Variants in SPAG16 observed in about 807,000 individuals in gnomAD.
SPAG16 encodes sperm-associated antigen 16 protein.
SPAG16 carries 86 observed loss-of-function variants against 80.4 expected under a neutral mutation model. The observed-to-expected ratio is 1.07, with a 90% CI of 0.90 to 1.28. The LOEUF is 1.28. Among genes scored for constraint, SPAG16 ranks in the 50% most tolerant of loss-of-function variants. The pLI, the probability that SPAG16 is intolerant of heterozygous loss-of-function variation, is 0.00. For missense variants in SPAG16, 870 were observed against 765.3 expected, an observed-to-expected ratio of 1.14 and a Z score of -1.61; for synonymous variants, 294 against 265.9, an observed-to-expected ratio of 1.11 and a Z score of -1.03.
chr2:214,291,247 T>C (rs1490677569), intron 15 of SPAG16, among the ~76,000 whole-genome samples: 1 of 151,802 alleles, frequency 6.6e-6, no homozygotes, highest in Non-Finnish European at 1.5e-5. Flanking sequence ...TCTATATATG[T>C]CTTTGTAGGT....
At chr2:214,151,188 T>C (rs749492664) in intron 15 of SPAG16, among the ~76,000 whole-genome samples, 1 of 152,098 alleles carries the variant, frequency 6.6e-6, no homozygotes, top group Non-Finnish European at 1.5e-5. Context: ...ATGAGAAATC[T>C]GTGCTTCTGT....
chr2:213,833,281 A>G (rs77476088), intron 10 of SPAG16, among the ~76,000 whole-genome samples: 6,975 of 146,286 alleles, frequency 0.048, 201 homozygotes, highest in East Asian at 0.084. Context: ...CTCATTTTCA[A>G]ATGAGTAGAG....
intron 10 of SPAG16, among the ~76,000 whole-genome samples, chr2:213,738,707 A>G (rs553676567): frequency 6.6e-6 from 1 of 152,250 alleles, no homozygotes; most frequent in Non-Finnish European, 1.5e-5. Context: ...AATATACTGT[A>G]TGAAAAATAT....
intron 12 of SPAG16, among the ~76,000 whole-genome samples, chr2:213,959,915 A>G (rs911490743): frequency 2.0e-5 from 3 of 152,192 alleles, no homozygotes; most frequent in African/African-American, 7.2e-5. Context: ...AAATTAAAAG[A>G]AACTGTAATA....
At chr2:214,012,751 T>G (rs1358536761) in intron 12 of SPAG16, among the ~76,000 whole-genome samples, 1 of 152,214 alleles carries the variant, frequency 6.6e-6, no homozygotes, top group African/African-American at 2.4e-5. Context: ...AGGAGTGGTA[T>G]TGCTCTATGT....
At chr2:214,201,898 T>A (rs2058019562) in intron 15 of SPAG16, among the ~76,000 whole-genome samples, 1 of 152,144 alleles carries the variant, frequency 6.6e-6, no homozygotes, top group Non-Finnish European at 1.5e-5. Flanking sequence ...CAGGCCAAAG[T>A]GCAGTGGCAC....
At chr2:214,320,198 T>C (rs1220326138) in intron 15 of SPAG16, among the ~76,000 whole-genome samples, 1 of 152,214 alleles carries the variant, frequency 6.6e-6, no homozygotes, top group Non-Finnish European at 1.5e-5. Flanking sequence ...TGCTGTTTTC[T>C]TTGGGTCCTT....
At chr2:213,895,752 C>T (rs2076968565) in intron 11 of SPAG16, among the ~76,000 whole-genome samples, 1 of 151,912 alleles carries the variant, frequency 6.6e-6, no homozygotes, top group Admixed American at 6.6e-5. Flanking sequence ...AAAACTGGAT[C>T]CCCATCTTTT....
At chr2:213,553,536 C>T (rs151276795) in intron 10 of SPAG16, among the ~76,000 whole-genome samples, 56 of 152,220 alleles carry the variant, frequency 3.7e-4, no homozygotes, top group South Asian at 1.9e-3. Flanking sequence ...AGGGGCTGCA[C>T]GCTCCTCCCC....
intron 11 of SPAG16, chr2:213,924,123 G>A (rs2078351976): frequency 6.6e-6 from 1 of 152,524 alleles, no homozygotes; most frequent in African/African-American, 2.4e-5. Flanking sequence ...GCAAGGGGGT[G>A]GGTGGAGCAA....
chr2:213,562,930 A>T (rs1376379924), intron 10 of SPAG16, among the ~76,000 whole-genome samples: 1 of 152,320 alleles, frequency 6.6e-6, no homozygotes, highest in East Asian at 1.9e-4. Flanking sequence ...ACCATTCATG[A>T]GGGCTCTGCC....
At chr2:213,674,259 C>T (rs74677682) in intron 10 of SPAG16, among the ~76,000 whole-genome samples, 10 of 151,860 alleles carry the variant, frequency 6.6e-5, no homozygotes, top group African/African-American at 7.3e-5. Flanking sequence ...CAGTTCTCTA[C>T]GACAACATAC....
chr2:214,192,561 C>T (rs1380371350), intron 15 of SPAG16, among the ~76,000 whole-genome samples: 1 of 152,028 alleles, frequency 6.6e-6, no homozygotes, highest in African/African-American at 2.4e-5. Context: ...CTTTCAAAAG[C>T]TGTTTTCTTT....
chr2:213,528,220 C>G (rs1292918780), intron 10 of SPAG16, among the ~76,000 whole-genome samples: 6 of 151,896 alleles, frequency 4.0e-5, no homozygotes, highest in South Asian at 2.1e-4. Flanking sequence ...AGGTGAAACT[C>G]CAATATTATG....
intron 12 of SPAG16, among the ~76,000 whole-genome samples, chr2:213,932,165 TA>T (rs1559602344): frequency 0.033 from 574 of 17,448 alleles, 21 homozygotes; most frequent in South Asian, 0.048. Flanking sequence ...TATATATATA[TA>T]TATATATATA....
chr2:213,771,741 T>C (rs2069262044), intron 10 of SPAG16, among the ~76,000 whole-genome samples: 1 of 152,206 alleles, frequency 6.6e-6, no homozygotes, highest in Non-Finnish European at 1.5e-5. Flanking sequence ...ATCAGGTTTG[T>C]TGAAGATCAG....
At chr2:214,324,627 C>A (rs1696344207) in intron 15 of SPAG16, among the ~76,000 whole-genome samples, 1 of 152,064 alleles carries the variant, frequency 6.6e-6, no homozygotes, top group South Asian at 2.1e-4. Context: ...GGTGACTTGC[C>A]AACCCACGTC....
In SPAG16 at chr2:214,405,286, C is replaced by A. The variant is rs143458037; in HGVS notation, c.1721-4854C>A. ...TACAGATGCATGCCACCATACCTGG[C>A]TAATTTTCTTTTAAATTTTTTGTAG... is the stretch of plus-strand genomic sequence containing the variant. On this transcript the variant is annotated intron_variant, in intron 15 of 15. Coordinates refer to ENST00000331683, the MANE Select transcript of SPAG16 (RefSeq NM_024532.5). 1.7e-3 allele frequency among the ~76,000 whole-genome samples: 259 copies of A among 152,162 alleles called. 2 individuals carry two copies. Among genetic ancestry groups the A allele is most frequent in the East Asian group, 9.9e-3 (51 of 5,166 alleles).
intron 9 of SPAG16, among the ~76,000 whole-genome samples, chr2:213,469,745 T>C (rs2072969372): frequency 6.6e-6 from 1 of 152,058 alleles, no homozygotes; most frequent in African/African-American, 2.4e-5. Context: ...ATATTCCACG[T>C]ATACTGTTCC....
Sources: gnomAD v4.1 joint callset for allele counts (sites outside exome capture counted in the v4.1 genomes callset) on GRCh38, gnomAD v4.1.1 for gene constraint, MANE v1.5 for transcripts, NCBI Gene and HGNC (gene_info 2026-07-23, HGNC 2026-07-21) for gene names.